Variants in SLC39A11 observed in about 807,000 individuals in gnomAD.
SLC39A11 encodes zinc transporter ZIP11.
Under a neutral mutation model 36.1 loss-of-function variants are expected in SLC39A11, and 33 were observed. That is an observed-to-expected ratio of 0.91 (90% CI 0.69 to 1.22). The LOEUF (loss-of-function observed/expected upper bound fraction) is 1.22. SLC39A11 is among the 50% of genes most tolerant of loss of function. The pLI is 0.00. For missense variants in SLC39A11, 432 were observed against 430.3 expected, an observed-to-expected ratio of 1.00 and a Z score of -0.03; for synonymous variants, 166 against 170.3, an observed-to-expected ratio of 0.97 and a Z score of 0.20.
At chr17:72,884,144 GCT>G (rs2081342473) in intron 5 of SLC39A11, among the ~76,000 whole-genome samples, 1 of 151,748 alleles carries the variant, frequency 6.6e-6, no homozygotes, top group Admixed American at 6.6e-5. Context: ...ACAGAGTAAG[GCT>G]CTGTCTCCAA....
intron 4 of SLC39A11, among the ~76,000 whole-genome samples, chr17:73,030,274 C>G (rs1418786266): frequency 1.3e-5 from 2 of 152,214 alleles, no homozygotes; most frequent in East Asian, 3.8e-4. Flanking sequence ...TTGGGGACCT[C>G]TGCTTTAAGA....
In SLC39A11 at chr17:73,084,788, T is replaced by A; in HGVS notation, c.147+20A>T. On this transcript the variant is annotated intron_variant, in intron 3 of 9. Coordinates refer to ENST00000255559, the MANE Select transcript of SLC39A11 (RefSeq NM_139177.4). ...ATCAGTATGCCTCAATTTCCATTTC[T>A]CCTACTACATGCTACTTACCCCTGC... 6.2e-7 allele frequency: 1 copy of A among 1,613,738 alleles called. No homozygotes were observed. Among genetic ancestry groups the A allele is most frequent in the South Asian group, 1.1e-5 (1 of 91,068 alleles).
Position 72,772,754 on chromosome 17 carries a change from G to A in SLC39A11, c.602-36035C>T, listed in dbSNP as rs140870499. Reference sequence around the variant, plus strand: ...ATGAATGAGTGAAATGAATAGAAAGGAGGATCCAAAGATTAGAGAAGGGAG... The same window carrying A: ...ATGAATGAGTGAAATGAATAGAAAGAAGGATCCAAAGATTAGAGAAGGGAG... On this transcript the variant is annotated intron_variant, in intron 6 of 9. Coordinates refer to ENST00000255559, the MANE Select transcript of SLC39A11 (RefSeq NM_139177.4). Among the ~76,000 whole-genome samples, 690 of 152,300 alleles carry A rather than the reference G, an allele frequency of 4.5e-3. 7 individuals are homozygous for A. Among genetic ancestry groups the A allele is most frequent in the African/African-American group, 0.015 (633 of 41,572 alleles).
At chr17:72,677,191 G>C (rs1420219505) in intron 7 of SLC39A11, among the ~76,000 whole-genome samples, 1 of 152,168 alleles carries the variant, frequency 6.6e-6, no homozygotes, top group Non-Finnish European at 1.5e-5. Context: ...CTAGCACTGT[G>C]GATGGAAGGC....
At chr17:72,711,264 C>A (rs1172971004) in intron 7 of SLC39A11, among the ~76,000 whole-genome samples, 1 of 152,216 alleles carries the variant, frequency 6.6e-6, no homozygotes, top group African/African-American at 2.4e-5. Context: ...GCCTCCCTTG[C>A]AGCTAGGTGA....
chr17:72,805,225 C>A (rs2077213579), intron 6 of SLC39A11, among the ~76,000 whole-genome samples: 1 of 152,082 alleles, frequency 6.6e-6, no homozygotes, highest in African/African-American at 2.4e-5. Flanking sequence ...TGACAGCATC[C>A]TGCTTTTCCT....
At chr17:72,785,646 G>A (rs546209920) in intron 6 of SLC39A11, among the ~76,000 whole-genome samples, 1 of 152,202 alleles carries the variant, frequency 6.6e-6, no homozygotes, top group Non-Finnish European at 1.5e-5. Context: ...AGGAAGGGAA[G>A]GTGGAAGGGC....
At chr17:72,738,286 G>A (rs2074521845) in intron 6 of SLC39A11, among the ~76,000 whole-genome samples, 1 of 152,206 alleles carries the variant, frequency 6.6e-6, no homozygotes, top group South Asian at 2.1e-4. Flanking sequence ...TTACAGGCAT[G>A]AGCCACCGCA....
At chr17:73,028,059 A>G (rs145083643) in intron 4 of SLC39A11, among the ~76,000 whole-genome samples, 98 of 152,310 alleles carry the variant, frequency 6.4e-4, no homozygotes, top group African/African-American at 2.3e-3. Flanking sequence ...ACCGCAGCCA[A>G]AGGCTTTTCC....
chr17:73,074,860 G>A (rs941713293), intron 3 of SLC39A11, among the ~76,000 whole-genome samples: 9 of 152,130 alleles, frequency 5.9e-5, no homozygotes, highest in South Asian at 2.1e-4. Flanking sequence ...GCCTTTTCAC[G>A]CCTAGAAGTA....
intron 4 of SLC39A11, among the ~76,000 whole-genome samples, chr17:73,012,170 G>A (rs2090560368): frequency 6.6e-6 from 1 of 151,912 alleles, no homozygotes; most frequent in African/African-American, 2.4e-5. Context: ...CAGCTACTGG[G>A]GAGTTTGAGG....
At chr17:72,695,168 C>A in intron 7 of SLC39A11, among the ~76,000 whole-genome samples, 1 of 152,320 alleles carries the variant, frequency 6.6e-6, no homozygotes, top group Middle Eastern at 3.4e-3. Context: ...CTCCCAGAGG[C>A]CTCTGTCCCT....
chr17:72,963,918 C>T (rs1049568153), intron 4 of SLC39A11, among the ~76,000 whole-genome samples: 4 of 152,170 alleles, frequency 2.6e-5, no homozygotes, highest in African/African-American at 4.8e-5. Flanking sequence ...ATAACAACTA[C>T]ATGATAATGA....
chr17:72,920,822 A>G (rs545662421), intron 5 of SLC39A11, among the ~76,000 whole-genome samples: 1 of 140,954 alleles, frequency 7.1e-6, no homozygotes, highest in South Asian at 2.4e-4. Flanking sequence ...CCTATCTATA[A>G]CTACACCCCA....
intron 1 of SLC39A11, among the ~76,000 whole-genome samples, chr17:73,089,927 C>A (rs760030656): frequency 1.3e-5 from 2 of 152,202 alleles, no homozygotes; most frequent in Non-Finnish European, 2.9e-5. Context: ...AGATCTCTCC[C>A]TGTGGAAAGT....
intron 3 of SLC39A11, among the ~76,000 whole-genome samples, chr17:73,062,479 CTTTAGGTG>C (rs2059878331): frequency 3.7e-5 from 1 of 26,902 alleles, no homozygotes; most frequent in Non-Finnish European, 8.8e-5. Flanking sequence ...AAAAAAAAAA[CTTTAGGTG>C]ATACACTTCT....
chr17:72,973,458 T>C (rs1326459207), intron 4 of SLC39A11, among the ~76,000 whole-genome samples: 1 of 152,148 alleles, frequency 6.6e-6, no homozygotes, highest in Non-Finnish European at 1.5e-5. Flanking sequence ...CTCACATGGT[T>C]TCCCTGGGCT....
At chr17:72,732,327 T>TTAACTACACTATATTCAGATTTCACTAG (rs2074267406) in intron 7 of SLC39A11, among the ~76,000 whole-genome samples, 3 of 152,192 alleles carry the variant, frequency 2.0e-5, no homozygotes, top group Non-Finnish European at 4.4e-5. Context: ...TGCATTACTT[T>TTAACTACACTATATTCAGATTTCACTAG]TAACTACACT....
chr17:73,064,497 T>C (rs145412419), intron 3 of SLC39A11, among the ~76,000 whole-genome samples: 540 of 152,282 alleles, frequency 3.5e-3, no homozygotes, highest in African/African-American at 0.012. Flanking sequence ...GACTTGTGGC[T>C]AATCCTGAGG....
Sources: gnomAD v4.1 joint callset for allele counts (sites outside exome capture counted in the v4.1 genomes callset) on GRCh38, gnomAD v4.1.1 for gene constraint, MANE v1.5 for transcripts, NCBI Gene and HGNC (gene_info 2026-07-23, HGNC 2026-07-21) for gene names.